The following TDRD12 variants were observed in gnomAD, a reference collection of about 807,000 sequenced individuals.
TDRD12 encodes putative ATP-dependent RNA helicase TDRD12.
In TDRD12, 158 loss-of-function variants were observed where a neutral mutation model predicts 133.5. The observed-to-expected ratio is 1.18, with a 90% CI of 1.04 to 1.35. The LOEUF (loss-of-function observed/expected upper bound fraction) is 1.35. Among genes scored for constraint, TDRD12 ranks in the 40% most tolerant of loss-of-function variants. The pLI is 0.00. For synonymous variants in TDRD12, 460 were observed against 477.9 expected, an observed-to-expected ratio of 0.96 and a Z score of 0.49; for missense variants, 1,443 against 1,321.3, an observed-to-expected ratio of 1.09 and a Z score of -1.43.
intron 16 of TDRD12, among the ~76,000 whole-genome samples, chr19:32,799,729 T>TTC (rs1971331233): frequency 1.8e-5 from 1 of 54,710 alleles, no homozygotes; most frequent in African/African-American, 1.1e-4. Flanking sequence ...AGTTTTTGCC[T>TTC]TTTTTTTTTT....
chr19:32,739,963 A>T (rs1235574015), intron 3 of TDRD12, among the ~76,000 whole-genome samples: 1 of 65,220 alleles, frequency 1.5e-5, no homozygotes, highest in Non-Finnish European at 2.9e-5. Context: ...TAGGTACTCT[A>T]TGCATCTCCT....
At chr19:32,789,990 GA>G (rs1487373871) in intron 11 of TDRD12, among the ~76,000 whole-genome samples, 1 of 151,412 alleles carries the variant, frequency 6.6e-6, no homozygotes, top group Admixed American at 6.6e-5. Context: ...TAACAAGAGC[GA>G]AACTCCATCT....
intron 1 of TDRD12, among the ~76,000 whole-genome samples, chr19:32,728,645 C>CTTTT (rs61327045): frequency 6.2e-5 from 8 of 129,104 alleles, no homozygotes; most frequent in African/African-American, 1.2e-4. Flanking sequence ...TTTTCTTTTC[C>CTTTT]TTTTTTTTTT....
At chr19:32,794,840 A>G (rs1224424910) in intron 14 of TDRD12, 27 bp downstream of exon 14, 1 of 698,696 alleles carries the variant, frequency 1.4e-6, no homozygotes, top group Non-Finnish European at 2.6e-6. Flanking sequence ...TTTGCCTCAC[A>G]ACCAAATGGG....
At chr19:32,797,869 A>G in exon 15 of TDRD12, 1 of 699,862 alleles carries the variant, frequency 1.4e-6, no homozygotes, top group Non-Finnish European at 2.6e-6. Flanking sequence ...AGGAAGCCAA[A>G]AATACAAAGC....
intron 1 of TDRD12, among the ~76,000 whole-genome samples, chr19:32,725,580 G>A (rs1213200931): frequency 6.6e-6 from 1 of 152,110 alleles, no homozygotes; most frequent in Admixed American, 6.6e-5. Flanking sequence ...CTATGTGTCT[G>A]TTTTTGTACC....
At chr19:32,795,634 C>T (rs749688645) in intron 14 of TDRD12, among the ~76,000 whole-genome samples, 1 of 152,150 alleles carries the variant, frequency 6.6e-6, no homozygotes, top group Non-Finnish European at 1.5e-5. Flanking sequence ...GTGGGAAAAC[C>T]TCAGAATAAC....
At chr19:32,774,176 A>G (rs1430909088) in intron 10 of TDRD12, among the ~76,000 whole-genome samples, 1 of 152,260 alleles carries the variant, frequency 6.6e-6, no homozygotes, top group African/African-American at 2.4e-5. Flanking sequence ...GTCTAAGAAC[A>G]CACTTCCCCT....
Position 32,773,539 on chromosome 19 carries a change from T to C in TDRD12, c.1040+7T>C, listed in dbSNP as rs1438065515. ...CAGATGTACCAGAAGCAAGGTATGA[T>C]TTGAAAATTCAAACTGGGTGTGGTG... On this transcript the variant is annotated splice_region_variant and intron_variant, in intron 10 of 27. Transcript: ENST00000444215. The C allele has an allele frequency of 1.4e-5, 21 of 1,551,422 alleles. No individual in the cohort carries two copies. The highest frequency in any genetic ancestry group is 1.8e-5 in the Non-Finnish European group (21 of 1,146,814).
At chr19:32,752,305 G>A (rs1357634576) in intron 6 of TDRD12, among the ~76,000 whole-genome samples, 1 of 152,118 alleles carries the variant, frequency 6.6e-6, no homozygotes, top group Admixed American at 6.6e-5. Flanking sequence ...TCAGCCCCCT[G>A]AGTAGCTGGG....
At chr19:32,750,441 T>C (rs1430388482) in intron 6 of TDRD12, among the ~76,000 whole-genome samples, 1 of 152,148 alleles carries the variant, frequency 6.6e-6, no homozygotes, top group East Asian at 1.9e-4. Context: ...TTTTTAAAAA[T>C]TGTATTTTGA....
intron 8 of TDRD12, 49 bp downstream of exon 8, chr19:32,757,179 T>A (rs1010696318): frequency 1.4e-6 from 2 of 1,413,512 alleles, no homozygotes; most frequent in African/African-American, 2.9e-5. Flanking sequence ...GAAAAAAATA[T>A]TCTTAGCTTT....
In TDRD12 at chr19:32,753,473, G is replaced by T. The variant is rs1485238302; in HGVS notation, c.583-2519G>T. On this transcript the variant is annotated intron_variant, in intron 6 of 27. Transcript: ENST00000444215. Reference sequence around the variant, plus strand: ...CAGCCTCACCCTCTCAAGTAGTTGGGACTATAAGCGCATACCACCATGCCT... The same window carrying T: ...CAGCCTCACCCTCTCAAGTAGTTGGTACTATAAGCGCATACCACCATGCCT... Among the ~76,000 whole-genome samples, 3 of 151,672 alleles carry T rather than the reference G, an allele frequency of 2.0e-5. No homozygotes were observed. The East Asian group carries it at 5.8e-4, about 29-fold the overall frequency.
At chr19:32,767,840 C>G (rs1335387016) in intron 8 of TDRD12, among the ~76,000 whole-genome samples, 1 of 152,150 alleles carries the variant, frequency 6.6e-6, no homozygotes, top group Non-Finnish European at 1.5e-5. Context: ...CACTAAAAAT[C>G]AGGGGTTCTG....
chr19:32,738,146 TAA>T (rs763465606), intron 2 of TDRD12, among the ~76,000 whole-genome samples: 77 of 151,810 alleles, frequency 5.1e-4, no homozygotes, highest in Non-Finnish European at 8.7e-4. Flanking sequence ...TCAAAAAAAA[TAA>T]AGAGTCATGG....
chr19:32,789,190 T>C (rs971979030), intron 11 of TDRD12, among the ~76,000 whole-genome samples: 5 of 152,186 alleles, frequency 3.3e-5, no homozygotes, highest in Non-Finnish European at 7.3e-5. Flanking sequence ...TCTCTGCAGA[T>C]AGGGTCAGGC....
At chr19:32,810,138 A>G (rs1344516724) in exon 23 of TDRD12, 15 of 1,532,874 alleles carry the variant, frequency 9.8e-6, no homozygotes, top group Non-Finnish European at 1.1e-5. Flanking sequence ...CTTTGGCCGT[A>G]TAGTTGATAA....
chr19:32,810,328 AAGT>A, intron 23 of TDRD12, 51 bp downstream of exon 23: 3 of 1,417,034 alleles, frequency 2.1e-6, no homozygotes, highest in Non-Finnish European at 2.8e-6. Context: ...TGAGGTAACT[AAGT>A]GGTGTTGAGT....
intron 21 of TDRD12, among the ~76,000 whole-genome samples, chr19:32,805,388 A>G (rs1043933160): frequency 1.6e-4 from 24 of 151,346 alleles, no homozygotes; most frequent in Non-Finnish European, 1.9e-4. Flanking sequence ...ATGTCCAAAA[A>G]AAAGAAAAAA....
Sources: allele counts gnomAD v4.1 joint callset (sites outside exome capture counted in the v4.1 genomes callset), GRCh38; gene constraint gnomAD v4.1.1; transcripts MANE v1.5; gene names NCBI Gene and HGNC (gene_info 2026-07-23, HGNC 2026-07-21).